MTHFD1L: variants seen among roughly 807,000 people sequenced by gnomAD.
The protein encoded by MTHFD1L is methylenetetrahydrofolate dehydrogenase (NADP+ dependent) 1 like.
In MTHFD1L, 81 loss-of-function variants were observed where a neutral mutation model predicts 119.5. That is an observed-to-expected ratio of 0.68 (90% CI 0.57 to 0.82). MTHFD1L has a LOEUF of 0.82. MTHFD1L is among the 40% of genes least tolerant of loss of function. MTHFD1L has a pLI of 0.00. For synonymous variants in MTHFD1L, 430 were observed against 475.2 expected, an observed-to-expected ratio of 0.90 and a Z score of 1.24; for missense variants, 1,125 against 1,253.4, an observed-to-expected ratio of 0.90 and a Z score of 1.55.
At chr6:150,868,535 C>T (rs1192386798) in intron 1 of MTHFD1L, among the ~76,000 whole-genome samples, 1 of 151,868 alleles carries the variant, frequency 6.6e-6, no homozygotes, top group Admixed American at 6.6e-5. Context: ...GACGGGGTTT[C>T]ACCATGTTGG....
intron 7 of MTHFD1L, among the ~76,000 whole-genome samples, chr6:150,900,856 A>G (rs962779939): frequency 4.0e-5 from 6 of 151,818 alleles, no homozygotes; most frequent in African/African-American, 1.5e-4. Flanking sequence ...TCTACTGAAA[A>G]TACAAAAAAT....
At chr6:150,886,350 C>G (rs935382816) in intron 6 of MTHFD1L, among the ~76,000 whole-genome samples, 1 of 149,828 alleles carries the variant, frequency 6.7e-6, no homozygotes, top group Non-Finnish European at 1.5e-5. Context: ...GCGGGAAGAT[C>G]GCTTGAGCCC....
chr6:151,029,858 C>T (rs1482805995), intron 24 of MTHFD1L, among the ~76,000 whole-genome samples: 3 of 152,144 alleles, frequency 2.0e-5, no homozygotes, highest in East Asian at 3.9e-4. Context: ...ACTAGTCATT[C>T]GATTGCTATT....
chr6:151,067,242 C>G (rs755100475), intron 26 of MTHFD1L, among the ~76,000 whole-genome samples: 3 of 151,740 alleles, frequency 2.0e-5, no homozygotes, highest in African/African-American at 2.4e-5. Flanking sequence ...GCCACCGCTC[C>G]CGGCCATCGA....
At chr6:150,978,512 G>A (rs527764748) in intron 20 of MTHFD1L, among the ~76,000 whole-genome samples, 1 of 152,286 alleles carries the variant, frequency 6.6e-6, no homozygotes, top group South Asian at 2.1e-4. Context: ...TATGAGACAA[G>A]TGCCCAATTA....
intron 26 of MTHFD1L, chr6:151,054,878 G>A (rs1434479387): frequency 6.6e-6 from 1 of 152,160 alleles, no homozygotes; most frequent in Non-Finnish European, 1.5e-5. Flanking sequence ...AGAAAAATGA[G>A]ATTTAGTAGA....
At chr6:150,955,926 C>G in intron 16 of MTHFD1L, 69 bp from the exon 17 acceptor site, 1 of 1,365,426 alleles carries the variant, frequency 7.3e-7, no homozygotes, top group Admixed American at 1.7e-5. Context: ...AGCATCAGAA[C>G]AATGCCAGAC....
At chr6:151,073,351 A>C (rs1030494116) in intron 26 of MTHFD1L, among the ~76,000 whole-genome samples, 1 of 152,230 alleles carries the variant, frequency 6.6e-6, no homozygotes, top group Non-Finnish European at 1.5e-5. Flanking sequence ...ACAGTAGCCA[A>C]GAAGAGGTGC....
chr6:150,907,377 G>GA (rs761311208), intron 8 of MTHFD1L, among the ~76,000 whole-genome samples: 3 of 152,178 alleles, frequency 2.0e-5, no homozygotes, highest in Middle Eastern at 6.8e-3. Context: ...TTCTCTGGGG[G>GA]AAAAAAAGAC....
rs563995110 is a variant in MTHFD1L, at chr6:151,039,073, T to G, written c.2847+1956T>G. On this transcript the variant is annotated intron_variant, in intron 26 of 27. Coordinates refer to ENST00000367321, the MANE Select transcript of MTHFD1L (RefSeq NM_015440.5). The surrounding 1 kb of genome is among the most constrained non-coding windows in gnomAD (Gnocchi z 4.4). ...AGTCGTTAAACAAGAGACACAGGGATAGCTGGAAATCAGTGAGAAGACAGT... is the reference window on the plus strand; with the variant it reads ...AGTCGTTAAACAAGAGACACAGGGAGAGCTGGAAATCAGTGAGAAGACAGT... Among the ~76,000 whole-genome samples, 230 of 152,128 alleles carry G rather than the reference T, an allele frequency of 1.5e-3. 1 individual carries two copies. Among genetic ancestry groups the G allele is most frequent in the Non-Finnish European group, 2.5e-3 (169 of 67,998 alleles).
chr6:151,097,223 G>T (rs374396255), intron 27 of MTHFD1L, among the ~76,000 whole-genome samples: 1 of 152,156 alleles, frequency 6.6e-6, no homozygotes, highest in Non-Finnish European at 1.5e-5. Context: ...GCAAAGTTAC[G>T]TTGAGTACGG....
intron 24 of MTHFD1L, 22 bp downstream of exon 24, chr6:151,015,715 G>A (rs763694230): frequency 6.2e-7 from 1 of 1,609,364 alleles, no homozygotes; most frequent in South Asian, 1.1e-5. Flanking sequence ...TAAAAACAAT[G>A]GCTCACATTT....
At chr6:150,991,498 CTTCACACTTTGTGATTTGGCATTCTCA>C (rs1779054223) in intron 20 of MTHFD1L, among the ~76,000 whole-genome samples, 2 of 152,192 alleles carry the variant, frequency 1.3e-5, no homozygotes. Context: ...GTGATTTTCA[CTTCACACTTTGTGATTTGGCATTCTCA>C]AATTTTTACA....
chr6:151,081,053 G>T (rs1325983624), intron 26 of MTHFD1L, among the ~76,000 whole-genome samples: 3 of 152,136 alleles, frequency 2.0e-5, no homozygotes, highest in Non-Finnish European at 4.4e-5. Context: ...GTTTTGAGGG[G>T]ATGCAGTTCA....
chr6:151,033,504 T>C (rs905801507), intron 24 of MTHFD1L, among the ~76,000 whole-genome samples: 3 of 152,218 alleles, frequency 2.0e-5, no homozygotes, highest in African/African-American at 4.8e-5. Flanking sequence ...ATCTGTGGAA[T>C]ATTATTTTCC....
chr6:151,040,250 T>C (rs942962279), intron 26 of MTHFD1L, among the ~76,000 whole-genome samples: 2 of 152,228 alleles, frequency 1.3e-5, no homozygotes, highest in Admixed American at 1.3e-4. Flanking sequence ...CATAAGGCAC[T>C]CAGCTCGGGG....
intron 7 of MTHFD1L, among the ~76,000 whole-genome samples, chr6:150,890,613 C>A (rs183308097): frequency 4.7e-4 from 71 of 152,256 alleles, no homozygotes; most frequent in African/African-American, 1.7e-3. Flanking sequence ...GCTGGTGTAT[C>A]CGTACAGTTC....
At chr6:150,924,820 A>T (rs1789636704) in intron 10 of MTHFD1L, among the ~76,000 whole-genome samples, 1 of 152,152 alleles carries the variant, frequency 6.6e-6, no homozygotes, top group African/African-American at 2.4e-5. Flanking sequence ...TCAATTTAGG[A>T]GATTGTGGGA....
intron 20 of MTHFD1L, among the ~76,000 whole-genome samples, chr6:150,975,719 G>A (rs548727392): frequency 3.3e-5 from 5 of 151,538 alleles, no homozygotes; most frequent in Admixed American, 2.6e-4. Context: ...ACTTGGGCTC[G>A]CCCTGGCCCC....
Sources: gnomAD v4.1 joint callset for allele counts (sites outside exome capture counted in the v4.1 genomes callset) on GRCh38, gnomAD v4.1.1 for gene constraint, Gnocchi (gnomAD v3.1) non-coding constraint, MANE v1.5 for transcripts, NCBI Gene and HGNC (gene_info 2026-07-23, HGNC 2026-07-21) for gene names.